BRINP3: variants seen among roughly 807,000 people sequenced by gnomAD.
BRINP3 encodes BMP/retinoic acid-inducible neural-specific protein 3.
BRINP3 carries 19 observed loss-of-function variants against 71.0 expected under a neutral mutation model. The ratio of observed to expected loss-of-function variants is 0.27; its 90% CI spans 0.19 to 0.39. The LOEUF is 0.39. Among genes scored for constraint, BRINP3 ranks in the 10% least tolerant of loss-of-function variants. The pLI is 1.00. For synonymous variants in BRINP3, 380 were observed against 337.7 expected (o/e 1.13, Z -1.37); for missense variants, 959 against 940.8 (o/e 1.02, Z -0.25).
At chr1:190,324,639 T>G (rs554952754) in intron 2 of BRINP3, among the ~76,000 whole-genome samples, 1 of 152,112 alleles carries the variant, frequency 6.6e-6, no homozygotes, top group East Asian at 1.9e-4. Context: ...TTAAATGGTT[T>G]TATTAATAAT....
At chr1:190,382,738 T>C (rs1216741219) in intron 2 of BRINP3, among the ~76,000 whole-genome samples, 24 of 152,192 alleles carry the variant, frequency 1.6e-4, no homozygotes, top group Admixed American at 1.6e-3. Context: ...TTGTATACTT[T>C]CTTTCACAAA....
At chr1:190,121,991 A>G (rs972156312) in intron 7 of BRINP3, among the ~76,000 whole-genome samples, 1 of 152,208 alleles carries the variant, frequency 6.6e-6, no homozygotes, top group African/African-American at 2.4e-5. Context: ...GGAGGATAAT[A>G]GAGCAATATT....
chr1:190,151,109 T>G (rs1474449367), intron 7 of BRINP3, among the ~76,000 whole-genome samples: 1 of 151,948 alleles, frequency 6.6e-6, no homozygotes, highest in East Asian at 1.9e-4. Context: ...ATAGTGCCAC[T>G]GCACTCCATC....
intron 6 of BRINP3, among the ~76,000 whole-genome samples, chr1:190,174,564 GTAA>G (rs1307691353): frequency 1.3e-5 from 2 of 152,106 alleles, no homozygotes; most frequent in South Asian, 2.1e-4. Context: ...TGTTTAGAAT[GTAA>G]TAATATGTAG....
intron 6 of BRINP3, among the ~76,000 whole-genome samples, chr1:190,190,582 T>A (rs911805155): frequency 6.6e-6 from 1 of 152,054 alleles, no homozygotes; most frequent in Admixed American, 6.6e-5. Context: ...TACAAAAAAA[T>A]ACTCTCCTCA....
intron 6 of BRINP3, among the ~76,000 whole-genome samples, chr1:190,187,035 A>G (rs1653590734): frequency 6.6e-6 from 1 of 152,106 alleles, no homozygotes; most frequent in Non-Finnish European, 1.5e-5. Flanking sequence ...TTTGTGTTAG[A>G]ACTTAGATTC....
At chr1:190,453,251 C>T (rs1372258179) in intron 2 of BRINP3, among the ~76,000 whole-genome samples, 3 of 77,504 alleles carry the variant, frequency 3.9e-5, no homozygotes, top group Admixed American at 1.9e-4. Context: ...GACGGAGGCT[C>T]GCTCTGTCGC....
chr1:190,227,450 T>C (rs1301467618), intron 5 of BRINP3, among the ~76,000 whole-genome samples: 1 of 151,816 alleles, frequency 6.6e-6, no homozygotes, highest in Non-Finnish European at 1.5e-5. Flanking sequence ...AGTCTCATTT[T>C]GAATAAAATT....
intron 2 of BRINP3, among the ~76,000 whole-genome samples, chr1:190,441,132 T>C (rs940829430): frequency 6.6e-6 from 1 of 151,516 alleles, no homozygotes; most frequent in Non-Finnish European, 1.5e-5. Flanking sequence ...AATCTCCTAA[T>C]AGAGAAGCTA....
intron 7 of BRINP3, among the ~76,000 whole-genome samples, chr1:190,112,090 T>C (rs1652745731): frequency 6.6e-6 from 1 of 152,048 alleles, no homozygotes; most frequent in African/African-American, 2.4e-5. Context: ...AACGGACAGG[T>C]GATTTTCTTT....
intron 2 of BRINP3, among the ~76,000 whole-genome samples, chr1:190,436,103 C>T (rs991997027): frequency 2.6e-5 from 4 of 151,822 alleles, no homozygotes; most frequent in Non-Finnish European, 5.9e-5. Flanking sequence ...AATACTGGTT[C>T]CACATCAATG....
chr1:190,443,669 C>T (rs1376531017), intron 2 of BRINP3, among the ~76,000 whole-genome samples: 2 of 152,106 alleles, frequency 1.3e-5, no homozygotes, highest in Admixed American at 6.5e-5. Context: ...TCCCTTTCCG[C>T]ATTTGGCTTG....
chr1:190,467,789 A>C (rs1212000716), intron 1 of BRINP3, among the ~76,000 whole-genome samples: 1 of 151,618 alleles, frequency 6.6e-6, no homozygotes, highest in Non-Finnish European at 1.5e-5. Flanking sequence ...GTACTATTTC[A>C]AAAGAAAAGT....
In BRINP3 at chr1:190,323,955, G is replaced by T. The variant is rs529393986; in HGVS notation, c.237-42205C>A. 2.3e-3 allele frequency among the ~76,000 whole-genome samples: 342 copies of T among 151,906 alleles called. 1 individual carries two copies. The Middle Eastern group carries it at 0.024, about 11-fold the overall frequency. ...AGAAAACAAATAAAATATTGGAAAG[G>T]TATGCTTCTGGCATTACAGAGAGGA... On this transcript the variant is annotated intron_variant, in intron 2 of 7. Coordinates refer to ENST00000367462, the MANE Select transcript of BRINP3 (RefSeq NM_199051.3).
At chr1:190,123,468 A>G (rs1261036801) in intron 7 of BRINP3, among the ~76,000 whole-genome samples, 1 of 152,106 alleles carries the variant, frequency 6.6e-6, no homozygotes, top group Admixed American at 6.6e-5. Context: ...ACAGTTTTTG[A>G]GACTTCCTTT....
chr1:190,115,588 C>T (rs536994523), intron 7 of BRINP3, among the ~76,000 whole-genome samples: 2 of 152,082 alleles, frequency 1.3e-5, no homozygotes, highest in Non-Finnish European at 2.9e-5. Flanking sequence ...CTATACATGC[C>T]ATTAGCAATA....
chr1:190,196,035 T>G (rs192783496), intron 6 of BRINP3, among the ~76,000 whole-genome samples: 3 of 152,260 alleles, frequency 2.0e-5, no homozygotes, highest in Admixed American at 2.0e-4. Flanking sequence ...TGAGCTAGAT[T>G]GTATAGAAGC....
At chr1:190,235,967 C>T (rs1017759006) in intron 4 of BRINP3, among the ~76,000 whole-genome samples, 12 of 152,046 alleles carry the variant, frequency 7.9e-5, no homozygotes, top group African/African-American at 2.9e-4. Context: ...TGTTCACTCA[C>T]ATATCCACAG....
chr1:190,262,530 T>A (rs1020434705), intron 4 of BRINP3, among the ~76,000 whole-genome samples: 2 of 152,200 alleles, frequency 1.3e-5, no homozygotes, highest in South Asian at 2.1e-4. Context: ...TCATTCCCAC[T>A]GTTTGCTGTT....
Sources: gnomAD v4.1 joint callset for allele counts (sites outside exome capture counted in the v4.1 genomes callset) on GRCh38, gnomAD v4.1.1 for gene constraint, MANE v1.5 for transcripts, NCBI Gene and HGNC (gene_info 2026-07-23, HGNC 2026-07-21) for gene names.